The following PBRM1 variants were observed in gnomAD, a reference collection of about 807,000 sequenced individuals.
PBRM1 encodes polybromo 1, also known as protein polybromo-1.
In PBRM1, 27 loss-of-function variants were observed where a neutral mutation model predicts 194.5. The observed-to-expected ratio is 0.14, with a 90% CI of 0.10 to 0.19. PBRM1 has a LOEUF of 0.19. PBRM1 is among the 10% of genes least tolerant of loss of function. The pLI, the probability that PBRM1 is intolerant of heterozygous loss-of-function variation, is 1.00. For synonymous variants in PBRM1, 655 were observed against 693.2 expected (o/e 0.94, Z 0.87); for missense variants, 1,466 against 2,077.2 (o/e 0.71, Z 5.72).
At chr3:52,662,697 G>A (rs982594586) in intron 3 of PBRM1, among the ~76,000 whole-genome samples, 4 of 151,846 alleles carry the variant, frequency 2.6e-5, no homozygotes, top group African/African-American at 7.3e-5. Context: ...GTGGTGGTAC[G>A]CACCTGTGGT....
At chr3:52,674,646 ATAT>A (rs1561077296) in intron 2 of PBRM1, among the ~76,000 whole-genome samples, 17 of 62,882 alleles carry the variant, frequency 2.7e-4, no homozygotes, top group African/African-American at 7.4e-4. Context: ...AAAAAAAAAT[ATAT>A]ATATATATAT....
chr3:52,599,414 A>C (rs1170997079), intron 17 of PBRM1, among the ~76,000 whole-genome samples: 1 of 152,212 alleles, frequency 6.6e-6, no homozygotes, highest in East Asian at 1.9e-4. Flanking sequence ...CTAGTAACTT[A>C]TCCTTCCTAT....
chr3:52,668,768 A>C, intron 2 of PBRM1, 123 bp from the exon 4 acceptor site: 1 of 365,094 alleles, frequency 2.7e-6, no homozygotes, highest in Non-Finnish European at 4.7e-6. Context: ...TCTTTCATGG[A>C]CTTTGAAGCT....
intron 8 of PBRM1, among the ~76,000 whole-genome samples, chr3:52,643,796 CCT>C (rs931752791): frequency 5.3e-5 from 8 of 152,150 alleles, no homozygotes; most frequent in African/African-American, 1.9e-4. Context: ...ATAGTGAAAC[CCT>C]GTCTCTACTA....
At chr3:52,553,502 T>A (rs1278909231) in intron 27 of PBRM1, among the ~76,000 whole-genome samples, 4 of 150,524 alleles carry the variant, frequency 2.7e-5, no homozygotes, top group Non-Finnish European at 1.5e-5. Flanking sequence ...TTTTTTTTTT[T>A]TTTTGAGACA....
intron 16 of PBRM1, 109 bp from the exon 19 acceptor site, chr3:52,603,841 C>A: frequency 1.1e-6 from 1 of 930,246 alleles, no homozygotes; most frequent in Non-Finnish European, 1.6e-6. Flanking sequence ...AGTGGTATTT[C>A]TGTACAGGTC....
At chr3:52,589,122 G>C (rs2153806235) in exon 18 of PBRM1, 5 of 1,613,442 alleles carry the variant, frequency 3.1e-6, no homozygotes, top group Non-Finnish European at 4.2e-6. Context: ...GTTGTAGGTT[G>C]GCCTCTGCAG....
intron 2 of PBRM1, among the ~76,000 whole-genome samples, chr3:52,672,568 C>T (rs952260049): frequency 6.8e-6 from 1 of 147,078 alleles, no homozygotes; most frequent in Non-Finnish European, 1.5e-5. Flanking sequence ...TATCTCCGCA[C>T]ACTGCAACCT....
intron 4 of PBRM1, among the ~76,000 whole-genome samples, chr3:52,659,073 T>C (rs2096665432): frequency 6.6e-6 from 1 of 152,222 alleles, no homozygotes. Context: ...CGGGGTGCTC[T>C]ACCAAGTCTA....
chr3:52,610,068 T>C (rs1001846534), intron 15 of PBRM1, 113 bp from the exon 18 acceptor site: 1 of 628,432 alleles, frequency 1.6e-6, no homozygotes, highest in Non-Finnish European at 2.5e-6. Context: ...ATCTAGCAAT[T>C]AGCATGTCTA....
chr3:52,557,092 C>A (rs1469008106), intron 26 of PBRM1, among the ~76,000 whole-genome samples: 2 of 152,258 alleles, frequency 1.3e-5, no homozygotes, highest in East Asian at 3.9e-4. Context: ...ATGTTCAAGG[C>A]CTGATTTCTA....
At chr3:52,682,532 T>C (rs900936690), upstream of PBRM1, among the ~76,000 whole-genome samples, 2 of 152,176 alleles carry the variant, frequency 1.3e-5, no homozygotes, top group East Asian at 1.9e-4. Context: ...TTAATTTACT[T>C]TGGTAAGATA....
At chr3:52,664,159 C>A (rs1226347662) in intron 3 of PBRM1, among the ~76,000 whole-genome samples, 1 of 151,112 alleles carries the variant, frequency 6.6e-6, no homozygotes, top group Non-Finnish European at 1.5e-5. Context: ...GAGTTTAAGG[C>A]TGCAGTGAGC....
At chr3:52,658,633 C>T (rs561435082) in intron 4 of PBRM1, among the ~76,000 whole-genome samples, 2 of 152,178 alleles carry the variant, frequency 1.3e-5, no homozygotes, top group South Asian at 4.1e-4. Context: ...CACCTCATGT[C>T]TGCCCACTTC....
At chr3:52,603,668 C>T (rs2153349010) in exon 17 of PBRM1, 1 of 1,612,928 alleles carries the variant, frequency 6.2e-7, no homozygotes. Context: ...TTGCAGAGTT[C>T]ATCACGAATT....
At chr3:52,620,462 G>T (rs1483421321) in intron 13 of PBRM1, among the ~76,000 whole-genome samples, 1 of 152,162 alleles carries the variant, frequency 6.6e-6, no homozygotes. Context: ...GGACCAGGAG[G>T]TGCTCACCCC....
intron 20 of PBRM1, among the ~76,000 whole-genome samples, chr3:52,584,836 A>G (rs963351194): frequency 6.6e-6 from 1 of 152,182 alleles, no homozygotes; most frequent in Non-Finnish European, 1.5e-5. Context: ...ATTAAGTAAC[A>G]CTAGAACAGT....
intron 28 of PBRM1, 50 bp downstream of exon 30, chr3:52,550,697 G>C (rs764247508): frequency 6.3e-7 from 1 of 1,586,128 alleles, no homozygotes; most frequent in Non-Finnish European, 8.6e-7. Context: ...GTTCTGAGAA[G>C]GATAACTCGA....
At chr3:52,637,799 T>TAAAAAAAAAAAAAAAAAAA (rs2095881238) in intron 10 of PBRM1, among the ~76,000 whole-genome samples, 1 of 68,488 alleles carries the variant, frequency 1.5e-5, no homozygotes, top group Non-Finnish European at 3.3e-5. Context: ...AAAAAAAAAT[T>TAAAAAAAAAAAAAAAAAAA]AGCCGGGCAT....
Sources: gnomAD v4.1 joint callset for allele counts (sites outside exome capture counted in the v4.1 genomes callset) on GRCh38, gnomAD v4.1.1 for gene constraint, MANE v1.5 for transcripts, NCBI Gene and HGNC (gene_info 2026-07-23, HGNC 2026-07-21) for gene names.